The following ZNF365 variants were observed in gnomAD, a reference collection of about 807,000 sequenced individuals.
ZNF365 encodes the protein zinc finger protein 365, also known as protein ZNF365.
Under a neutral mutation model 35.0 loss-of-function variants are expected in ZNF365, and 22 were observed. The ratio of observed to expected loss-of-function variants is 0.63; its 90% CI spans 0.45 to 0.90. The LOEUF is 0.90. Ranked by LOEUF, ZNF365 falls within the 40% of genes least tolerant of loss-of-function variation. ZNF365 has a pLI of 0.00. For missense variants in ZNF365, 448 were observed against 500.3 expected (o/e 0.90, Z 1.00); for synonymous variants, 188 against 196.2 (o/e 0.96, Z 0.35).
At chr10:62,461,137 T>C (rs1331178063) in intron 4 of ZNF365, among the ~76,000 whole-genome samples, 1 of 152,172 alleles carries the variant, frequency 6.6e-6, no homozygotes, top group Non-Finnish European at 1.5e-5. Flanking sequence ...TAACAGAATC[T>C]TCTAGGGCTG....
At chr10:62,477,170 TG>T (rs540544226) in intron 4 of ZNF365, among the ~76,000 whole-genome samples, 73 of 151,920 alleles carry the variant, frequency 4.8e-4, no homozygotes, top group African/African-American at 1.7e-3. Context: ...AAATTGCAAG[TG>T]GGTATATGAG....
At chr10:62,419,514 G>A (rs994202045) in intron 3 of ZNF365, among the ~76,000 whole-genome samples, 3 of 151,370 alleles carry the variant, frequency 2.0e-5, no homozygotes, top group Non-Finnish European at 2.9e-5. Context: ...AAAAAAGGAC[G>A]GGGTGGGCTT....
chr10:62,404,456 G>A (rs1303501776), downstream of ZNF365, among the ~76,000 whole-genome samples: 3 of 152,168 alleles, frequency 2.0e-5, no homozygotes, highest in South Asian at 4.1e-4. Context: ...GTTAAAAAGC[G>A]AGCTCCCTGT....
Position 62,401,872 on chromosome 10 carries a change from A to G in ZNF365, c.*2083A>G, listed in dbSNP as rs1160649616. The G allele has an allele frequency of 4.8e-5, 47 of 985,422 alleles. No homozygotes were observed. The highest frequency in any genetic ancestry group is 5.3e-5 in the Non-Finnish European group (44 of 829,912). The allele number at this position is 985,422 out of a possible 1,614,324, so 61.0% of individuals were successfully genotyped here. A position where few individuals can be genotyped will look rare whatever the true frequency, so the allele number is the denominator to read the frequency against. ...AAGTACCATAATGTCATCCTACTCT[A>G]CATTTCACAAGACGAATTATTTTGA... is the stretch of plus-strand genomic sequence containing the variant. On this transcript the variant is annotated 3_prime_UTR_variant, in exon 5 of 5. Coordinates refer to ENST00000395254, the MANE Select transcript of ZNF365 (RefSeq NM_014951.3).
intron 3 of ZNF365, among the ~76,000 whole-genome samples, chr10:62,417,888 G>A (rs1840099557): frequency 6.6e-6 from 1 of 151,782 alleles, no homozygotes; most frequent in Non-Finnish European, 1.5e-5. Context: ...AAATACACAT[G>A]TATTTACAAA....
intron 3 of ZNF365, among the ~76,000 whole-genome samples, chr10:62,423,915 T>C (rs573508277): frequency 4.7e-4 from 72 of 152,324 alleles, no homozygotes; most frequent in Middle Eastern, 3.4e-3. Context: ...TGAATGTACA[T>C]AGTTTTGCAC....
chr10:62,414,361 C>T (rs1840039754), intron 3 of ZNF365, among the ~76,000 whole-genome samples: 1 of 116,810 alleles, frequency 8.6e-6, no homozygotes, highest in Non-Finnish European at 1.9e-5. Context: ...CCATATCTGA[C>T]TAATTCTTTT....
chr10:62,464,080 G>C (rs374787539), intron 4 of ZNF365, among the ~76,000 whole-genome samples: 117 of 152,306 alleles, frequency 7.7e-4, no homozygotes, highest in African/African-American at 2.7e-3. Context: ...TGAGCAATGA[G>C]AGCCTGGATA....
At chr10:62,459,785 C>A (rs1446655993) in exon 4 of ZNF365, 2 of 1,610,688 alleles carry the variant, frequency 1.2e-6, no homozygotes, top group Non-Finnish European at 1.7e-6. Context: ...GCCAAAATGA[C>A]CTGGAATTGG....
At chr10:62,458,032 C>G (rs980971589) in intron 3 of ZNF365, among the ~76,000 whole-genome samples, 2 of 152,136 alleles carry the variant, frequency 1.3e-5, no homozygotes, top group African/African-American at 4.8e-5. Flanking sequence ...GGGGAGGGGA[C>G]GAAGGTTTCT....
chr10:62,407,830 T>C (rs1170981136), intron 3 of ZNF365, among the ~76,000 whole-genome samples: 1 of 152,230 alleles, frequency 6.6e-6, no homozygotes, highest in Admixed American at 6.5e-5. Context: ...TGGCCAGGGT[T>C]ATCTTTCCTG....
chr10:62,413,728 T>C (rs961958420), intron 3 of ZNF365, among the ~76,000 whole-genome samples: 2 of 152,180 alleles, frequency 1.3e-5, no homozygotes, highest in Non-Finnish European at 2.9e-5. Context: ...TGCATCTTAA[T>C]AGGATTTTTG....
intron 3 of ZNF365, among the ~76,000 whole-genome samples, chr10:62,439,750 T>C (rs750489383): frequency 1.8e-4 from 28 of 152,246 alleles, no homozygotes; most frequent in Non-Finnish European, 3.2e-4. Flanking sequence ...ATCCTCCAGC[T>C]TCTTATATCT....
At chr10:62,404,156 A>G (rs1024265772), downstream of ZNF365, among the ~76,000 whole-genome samples, 1 of 152,214 alleles carries the variant, frequency 6.6e-6, no homozygotes, top group African/African-American at 2.4e-5. Context: ...GGAACCTCAC[A>G]TATAGGCAGG....
intron 3 of ZNF365, among the ~76,000 whole-genome samples, chr10:62,414,526 A>G (rs1030183547): frequency 7.9e-5 from 12 of 152,062 alleles, no homozygotes; most frequent in Admixed American, 6.5e-4. Context: ...CTTTATTCTT[A>G]CAAGTTTTCA....
At chr10:62,424,969 C>A (rs1243992064) in intron 3 of ZNF365, among the ~76,000 whole-genome samples, 1 of 152,138 alleles carries the variant, frequency 6.6e-6, no homozygotes, top group Non-Finnish European at 1.5e-5. Context: ...TCCGAGAATG[C>A]AGGCTTCAGC....
At chr10:62,462,293 C>T (rs560350394) in intron 4 of ZNF365, among the ~76,000 whole-genome samples, 1 of 152,364 alleles carries the variant, frequency 6.6e-6, no homozygotes, top group South Asian at 2.1e-4. Flanking sequence ...GGTACTCAGA[C>T]TTGTTCTTCC....
Position 62,400,471 on chromosome 10 carries a change from C to T in ZNF365, c.*682C>T, listed in dbSNP as rs1421273732. The T allele has an allele frequency of 1.8e-5, 18 of 985,816 alleles. No individual in the cohort carries two copies. The highest frequency in any genetic ancestry group is 3.5e-5 in the African/African-American group (2 of 57,198). The allele number at this position is 985,816 out of a possible 1,614,324, so 61.1% of individuals were successfully genotyped here. A position where few individuals can be genotyped will look rare whatever the true frequency, so the allele number is the denominator to read the frequency against. On this transcript the variant is annotated 3_prime_UTR_variant, in exon 5 of 5. Transcript: ENST00000395254. The stretch of plus-strand genomic sequence containing the variant: ...TATTCAGATTTTGGTACACCTCTGC[C>T]GTCTTCTTTGGCTGAGTATTCTGCA...
At chr10:62,388,340 GA>G in intron 2 of ZNF365, 55 bp from the exon 3 acceptor site, 2 of 1,601,502 alleles carry the variant, frequency 1.2e-6, no homozygotes, top group South Asian at 2.2e-5. Flanking sequence ...TGTGTTGAAT[GA>G]GTGAATTCCT....
Sources: allele counts gnomAD v4.1 joint callset (sites outside exome capture counted in the v4.1 genomes callset), GRCh38; gene constraint gnomAD v4.1.1; transcripts MANE v1.5; gene names NCBI Gene and HGNC (gene_info 2026-07-23, HGNC 2026-07-21).